Variants in MACROD2 observed in about 807,000 individuals in gnomAD.
The protein encoded by MACROD2 is ADP-ribose glycohydrolase MACROD2.
In MACROD2, 36 loss-of-function variants were observed where a neutral mutation model predicts 70.4. The observed-to-expected ratio is 0.51, with a 90% CI of 0.39 to 0.68. The LOEUF is 0.68. MACROD2 is among the 30% of genes least tolerant of loss of function. The pLI is 0.00. For missense variants in MACROD2, 496 were observed against 538.4 expected, an observed-to-expected ratio of 0.92 and a Z score of 0.78; for synonymous variants, 172 against 178.8, an observed-to-expected ratio of 0.96 and a Z score of 0.30.
At chr20:14,566,590 T>A (rs1486956632) in intron 4 of MACROD2, 1 of 151,994 alleles carries the variant, frequency 6.6e-6, no homozygotes, top group Non-Finnish European at 1.5e-5. Context: ...CCTTTAGGAC[T>A]GAAGCACTCT....
At chr20:15,815,848 G>C (rs2063868128) in intron 8 of MACROD2, among the ~76,000 whole-genome samples, 1 of 151,998 alleles carries the variant, frequency 6.6e-6, no homozygotes, top group African/African-American at 2.4e-5. Context: ...CAGGGTTTGA[G>C]TTTTTTTCCA....
intron 4 of MACROD2, among the ~76,000 whole-genome samples, chr20:14,582,539 A>C (rs899680868): frequency 2.6e-5 from 4 of 152,102 alleles, no homozygotes; most frequent in African/African-American, 9.7e-5. Flanking sequence ...CAAGCCACAT[A>C]ATAGGTCCAT....
At chr20:15,019,941 A>G (rs531282319) in intron 5 of MACROD2, among the ~76,000 whole-genome samples, 83 of 152,060 alleles carry the variant, frequency 5.5e-4, no homozygotes, top group Non-Finnish European at 8.4e-4. Context: ...ACTAGTAAAT[A>G]AGAAGAAAAT....
intron 8 of MACROD2, among the ~76,000 whole-genome samples, chr20:15,726,210 C>G (rs943218240): frequency 2.6e-5 from 4 of 152,110 alleles, no homozygotes; most frequent in African/African-American, 9.7e-5. Context: ...CGTTAGTTCT[C>G]TTAGGATAAT....
chr20:15,446,728 C>T lies in MACROD2; in HGVS notation c.571+15293C>T, dbSNP rs188316499. 1.1e-3 allele frequency among the ~76,000 whole-genome samples: 171 copies of T among 152,324 alleles called. 2 individuals are homozygous for T. Among genetic ancestry groups the T allele is most frequent in the Admixed American group, 3.1e-3 (48 of 15,298 alleles). On this transcript the variant is annotated intron_variant, in intron 7 of 17. Transcript: ENST00000684519. The stretch of plus-strand genomic sequence containing the variant: ...TTAGCAAGCCGGAAAGATCTGCTGG[C>T]GCTGCCGTAGGGAAAGGTTAGCATC...
At chr20:14,868,554 A>C (rs1019691906) in intron 5 of MACROD2, among the ~76,000 whole-genome samples, 4 of 152,102 alleles carry the variant, frequency 2.6e-5, no homozygotes, top group African/African-American at 9.7e-5. Flanking sequence ...AGATGACTTG[A>C]GCTTTCAAAT....
At position 14,326,604 on chromosome 20, in the gene MACROD2, A is replaced by G; in HGVS notation, c.272-166875A>G. ...CGCAATACCAGGGATTGTTGCGAAG[A>G]ATCAGTTGTGTTATATTGTCCAAAT... On this transcript the variant is annotated intron_variant, in intron 3 of 17. Coordinates refer to ENST00000684519, the MANE Select transcript of MACROD2 (RefSeq NM_001351661.2). This position sits in a 1 kb window ranked among gnomAD's most constrained non-coding sequence, Gnocchi z 5.5. The G allele has an allele frequency of 6.2e-7, 1 of 1,613,912 alleles. No individual in the cohort carries two copies. The highest frequency in any genetic ancestry group is 8.5e-7 in the Non-Finnish European group (1 of 1,179,868).
rs376233015 is a variant in MACROD2 at position 15,749,192 on chromosome 20, C to T, written c.646-113553C>T. Among the ~76,000 whole-genome samples, 35 of 151,844 alleles carry T rather than the reference C, an allele frequency of 2.3e-4. 1 individual carries two copies. The East Asian group carries it at 6.8e-3, about 29-fold the overall frequency. On this transcript the variant is annotated intron_variant, in intron 8 of 17. Coordinates refer to ENST00000684519, the MANE Select transcript of MACROD2 (RefSeq NM_001351661.2). ...ATATCTTAAATTGTTTTTTATAATC[C>T]TCTGTATTAGCTAGCATAGAGTAAG...
At chr20:14,003,652 G>T (rs902991861) in intron 2 of MACROD2, 2 of 452,708 alleles carry the variant, frequency 4.4e-6, no homozygotes, top group African/African-American at 2.1e-5. Context: ...GAACAGAAGG[G>T]TGGGAAGCCA....
intron 2 of MACROD2, among the ~76,000 whole-genome samples, chr20:14,071,127 TAAG>T (rs1047380926): frequency 1.1e-4 from 17 of 152,250 alleles, no homozygotes; most frequent in Middle Eastern, 3.4e-3. Context: ...AAACGATATT[TAAG>T]AAGTTTGAAA....
chr20:14,489,800 A>G (rs1415289699), intron 3 of MACROD2, among the ~76,000 whole-genome samples: 2 of 152,146 alleles, frequency 1.3e-5, no homozygotes, highest in Non-Finnish European at 2.9e-5. Flanking sequence ...AAAAACAAAC[A>G]ATTACTGTGG....
intron 5 of MACROD2, among the ~76,000 whole-genome samples, chr20:15,147,782 T>A (rs1355187261): frequency 6.6e-6 from 1 of 151,846 alleles, no homozygotes; most frequent in Non-Finnish European, 1.5e-5. Context: ...GCGGGCTGAG[T>A]CTGAAAAGAG....
At chr20:14,414,047 A>C (rs1270550742) in intron 3 of MACROD2, among the ~76,000 whole-genome samples, 2 of 152,162 alleles carry the variant, frequency 1.3e-5, no homozygotes, top group Non-Finnish European at 2.9e-5. Flanking sequence ...TTCTGTCCCT[A>C]AGGGATGTCA....
intron 5 of MACROD2, among the ~76,000 whole-genome samples, chr20:14,697,213 C>A (rs910261027): frequency 1.3e-5 from 2 of 152,124 alleles, no homozygotes; most frequent in Non-Finnish European, 2.9e-5. Flanking sequence ...TCCATATGTC[C>A]GGGATATGTC....
intron 8 of MACROD2, among the ~76,000 whole-genome samples, chr20:15,700,113 G>C (rs762841302): frequency 3.9e-5 from 6 of 152,242 alleles, no homozygotes; most frequent in Non-Finnish European, 7.4e-5. Context: ...GGGGTCTCTC[G>C]GGTCCTGCAG....
chr20:15,469,259 A>G (rs144886231), intron 7 of MACROD2, among the ~76,000 whole-genome samples: 2 of 152,242 alleles, frequency 1.3e-5, no homozygotes, highest in Non-Finnish European at 2.9e-5. Flanking sequence ...ATAGTCAGAG[A>G]TGAGCAAAAG....
intron 8 of MACROD2, among the ~76,000 whole-genome samples, chr20:15,633,525 T>G (rs1259518497): frequency 2.0e-5 from 3 of 152,056 alleles, no homozygotes; most frequent in Non-Finnish European, 4.4e-5. Context: ...AGGGCTGTTT[T>G]AATCATGACA....
chr20:14,822,419 T>C (rs1035309585), intron 5 of MACROD2, among the ~76,000 whole-genome samples: 1 of 152,136 alleles, frequency 6.6e-6, no homozygotes, highest in African/African-American at 2.4e-5. Flanking sequence ...CCATTCACAG[T>C]GTCCCCTTTC....
At chr20:14,317,408 A>C (rs2082622186) in intron 3 of MACROD2, among the ~76,000 whole-genome samples, 1 of 152,094 alleles carries the variant, frequency 6.6e-6, no homozygotes, top group South Asian at 2.1e-4. Context: ...TCACGAGGTC[A>C]AGAGATCAAG....
Sources: gnomAD v4.1 joint callset for allele counts (sites outside exome capture counted in the v4.1 genomes callset) on GRCh38, gnomAD v4.1.1 for gene constraint, Gnocchi (gnomAD v3.1) non-coding constraint, MANE v1.5 for transcripts, NCBI Gene and HGNC (gene_info 2026-07-23, HGNC 2026-07-21) for gene names.